Variants in DHRS7B observed in about 807,000 individuals in gnomAD.
DHRS7B encodes the protein dehydrogenase/reductase 7B.
A neutral mutation model predicts 26.4 loss-of-function variants in DHRS7B; 24 were observed. The observed-to-expected ratio is 0.91, with a 90% CI of 0.66 to 1.28. DHRS7B has a LOEUF of 1.28. Among genes scored for constraint, DHRS7B ranks in the 50% most tolerant of loss-of-function variants. The pLI is 0.00. For missense variants in DHRS7B, 368 were observed against 419.4 expected, an observed-to-expected ratio of 0.88 and a Z score of 1.07; for synonymous variants, 142 against 166.4, an observed-to-expected ratio of 0.85 and a Z score of 1.13.
At chr17:21,153,095 A>G (rs1440023293) in intron 1 of DHRS7B, among the ~76,000 whole-genome samples, 1 of 152,240 alleles carries the variant, frequency 6.6e-6, no homozygotes, top group Non-Finnish European at 1.5e-5. Flanking sequence ...TGCTGGATTT[A>G]TCAGACCAAG....
chr17:21,148,937 A>G (rs1973700777), intron 1 of DHRS7B, among the ~76,000 whole-genome samples: 1 of 152,158 alleles, frequency 6.6e-6, no homozygotes, highest in Non-Finnish European at 1.5e-5. Flanking sequence ...ACTTTACACA[A>G]CTTAAGAAAG....
At chr17:21,167,904 A>G (rs1449036811) in intron 1 of DHRS7B, among the ~76,000 whole-genome samples, 1 of 152,240 alleles carries the variant, frequency 6.6e-6, no homozygotes. Flanking sequence ...TGCCATTTTC[A>G]AAGAAAACAG....
At chr17:21,179,602 A>G (rs7211401) in intron 3 of DHRS7B, among the ~76,000 whole-genome samples, 1,664 of 152,240 alleles carry the variant, frequency 0.011, 38 homozygotes, top group African/African-American at 0.039. Flanking sequence ...TCTGTCTCAA[A>G]AAAAAGAGAA....
intron 1 of DHRS7B, among the ~76,000 whole-genome samples, chr17:21,168,254 A>G (rs1241964418): frequency 1.3e-5 from 2 of 152,230 alleles, no homozygotes; most frequent in Non-Finnish European, 2.9e-5. Context: ...AACTTCATCT[A>G]GTCAGGAAAG....
chr17:21,141,640 A>AAAAACAAAAAAAAAAAG, intron 1 of DHRS7B, among the ~76,000 whole-genome samples: 1 of 90,078 alleles, frequency 1.1e-5, no homozygotes. Flanking sequence ...AAAAAAAAAA[A>AAAAACAAAAAAAAAAAG]CAACCTCATC....
intron 1 of DHRS7B, among the ~76,000 whole-genome samples, chr17:21,169,908 G>A (rs985970724): frequency 3.3e-5 from 5 of 151,932 alleles, no homozygotes. Flanking sequence ...GCAGTGGCTG[G>A]GCCCTGGGCC....
chr17:21,156,670 T>A (rs1290448026), intron 1 of DHRS7B, among the ~76,000 whole-genome samples: 5 of 151,886 alleles, frequency 3.3e-5, no homozygotes, highest in Non-Finnish European at 7.4e-5. Flanking sequence ...CCCAGCACTT[T>A]AGGAGGCCAA....
At chr17:21,162,993 C>T (rs1165050491) in intron 1 of DHRS7B, among the ~76,000 whole-genome samples, 3 of 151,918 alleles carry the variant, frequency 2.0e-5, no homozygotes, top group Non-Finnish European at 2.9e-5. Context: ...GTGAGGACTT[C>T]GAGACCAGCC....
chr17:21,129,565 C>T (rs1361128044), intron 1 of DHRS7B, among the ~76,000 whole-genome samples: 1 of 151,614 alleles, frequency 6.6e-6, no homozygotes. Flanking sequence ...ATTATCTAGG[C>T]GTGCTGGTGT....
chr17:21,166,115 C>T, intron 1 of DHRS7B: 1 of 982,964 alleles, frequency 1.0e-6, no homozygotes, highest in Non-Finnish European at 1.2e-6. Flanking sequence ...TGGGCTTTGG[C>T]ACCTTTCTCC....
intron 2 of DHRS7B, among the ~76,000 whole-genome samples, chr17:21,174,076 C>T (rs912696992): frequency 2.0e-5 from 3 of 152,174 alleles, no homozygotes; most frequent in Non-Finnish European, 4.4e-5. Flanking sequence ...GAACAAGAGT[C>T]CCTCCATCCA....
At chr17:21,136,218 C>T (rs1455834942) in intron 1 of DHRS7B, among the ~76,000 whole-genome samples, 1 of 152,002 alleles carries the variant, frequency 6.6e-6, no homozygotes, top group African/African-American at 2.4e-5. Context: ...AGGAAAATCA[C>T]TTGAACCCAG....
At chr17:21,141,018 T>C (rs548776456) in intron 1 of DHRS7B, among the ~76,000 whole-genome samples, 1 of 152,298 alleles carries the variant, frequency 6.6e-6, no homozygotes, top group Admixed American at 6.5e-5. Context: ...TCCACCCTTT[T>C]ACATGTCTCA....
intron 1 of DHRS7B, among the ~76,000 whole-genome samples, chr17:21,138,066 T>TAAAAAAAAAAA (rs1555536184): frequency 1.1e-4 from 4 of 35,240 alleles, no homozygotes; most frequent in African/African-American, 7.0e-4. Context: ...CGGCCTCTTT[T>TAAAAAAAAAAA]AAAAAAAAAA....
intron 1 of DHRS7B, among the ~76,000 whole-genome samples, chr17:21,142,404 G>C (rs1597734373): frequency 6.6e-6 from 1 of 152,172 alleles, no homozygotes; most frequent in East Asian, 1.9e-4. Flanking sequence ...CTGGTTCCTA[G>C]GCACCGGGCT....
intron 1 of DHRS7B, among the ~76,000 whole-genome samples, chr17:21,150,105 TAA>T (rs61516968): frequency 0.034 from 1,709 of 50,008 alleles, 75 homozygotes; most frequent in African/African-American, 0.12. Context: ...CATCTCTATT[TAA>T]AAAAAAAAAA....
chr17:21,172,327 C>T (rs1350906547), intron 2 of DHRS7B, 131 bp downstream of exon 2: 1 of 1,107,780 alleles, frequency 9.0e-7, no homozygotes, highest in South Asian at 1.4e-5. Flanking sequence ...GGGAAGTGGG[C>T]CGGATGGCAC....
At chr17:21,170,090 G>A (rs1974204748) in intron 1 of DHRS7B, among the ~76,000 whole-genome samples, 1 of 152,180 alleles carries the variant, frequency 6.6e-6, no homozygotes, top group South Asian at 2.1e-4. Context: ...TCCTTGCCTG[G>A]AGCCTTCTCT....
At position 21,191,308 on chromosome 17, in the gene DHRS7B, G is replaced by A; in HGVS notation, c.*155G>A. ...ATCTCGTGCAGATCTGCTGGCAGAG[G>A]ACAATCAAAAACGACAACAAGCTTC... On this transcript the variant is annotated 3_prime_UTR_variant, in exon 7 of 7. Coordinates refer to ENST00000395511, the MANE Select transcript of DHRS7B (RefSeq NM_015510.5). The A allele has an allele frequency of 1.3e-6, 1 of 759,242 alleles. No individual in the cohort carries two copies. Among genetic ancestry groups the A allele is most frequent in the East Asian group, 2.7e-5 (1 of 37,122 alleles). 47.0% of individuals were successfully genotyped at this position (759,242 alleles called of 1,614,324 possible). A position where few individuals can be genotyped will look rare whatever the true frequency, so the allele number is the denominator to read the frequency against.
Sources: gnomAD v4.1 joint callset for allele counts (sites outside exome capture counted in the v4.1 genomes callset) on GRCh38, gnomAD v4.1.1 for gene constraint, MANE v1.5 for transcripts, NCBI Gene and HGNC (gene_info 2026-07-23, HGNC 2026-07-21) for gene names.